Variants in FSTL4 observed in about 807,000 individuals in gnomAD.
FSTL4 encodes the protein follistatin-related protein 4.
A neutral mutation model predicts 78.2 loss-of-function variants in FSTL4; 28 were observed. That is an observed-to-expected ratio of 0.36 (90% CI 0.27 to 0.49). FSTL4 has a LOEUF of 0.49. Among genes scored for constraint, FSTL4 ranks in the 20% least tolerant of loss-of-function variants. The pLI is 0.98. For missense variants in FSTL4, 922 were observed against 1,084.9 expected, an observed-to-expected ratio of 0.85 and a Z score of 2.11; for synonymous variants, 422 against 440.5, an observed-to-expected ratio of 0.96 and a Z score of 0.53.
intron 6 of FSTL4, among the ~76,000 whole-genome samples, chr5:133,278,674 G>A (rs73279947): frequency 0.032 from 4,918 of 152,266 alleles, 258 homozygotes; most frequent in African/African-American, 0.11. Flanking sequence ...CCTCAGTGGA[G>A]CACTGGACCC....
intron 6 of FSTL4, among the ~76,000 whole-genome samples, chr5:133,302,433 T>C (rs1054709959): frequency 6.6e-6 from 1 of 152,180 alleles, no homozygotes; most frequent in Non-Finnish European, 1.5e-5. Flanking sequence ...AGATAAGACT[T>C]GGGTACAAAC....
At chr5:133,606,431 C>T (rs1760979793) in intron 1 of FSTL4, among the ~76,000 whole-genome samples, 1 of 152,258 alleles carries the variant, frequency 6.6e-6, no homozygotes, top group Admixed American at 6.5e-5. Context: ...AGCTGCAACC[C>T]ATTTTTCTAA....
chr5:133,710,861 C>T, the FSTL4 span, among the ~76,000 whole-genome samples: 2 of 152,228 alleles, frequency 1.3e-5, no homozygotes, highest in Non-Finnish European at 2.9e-5. Context: ...TAAATGTTCA[C>T]ACAATACCAT....
In FSTL4 at chr5:133,372,704, G is replaced by T. The variant is rs188729560; in HGVS notation, c.409+28034C>A. Among the ~76,000 whole-genome samples, 5 of 152,292 alleles carry T rather than the reference G, an allele frequency of 3.3e-5. No individual in the cohort carries two copies. The East Asian group carries it at 9.7e-4, about 29-fold the overall frequency. ...TCCAGACACATTCTGAACAGCCTTT[G>T]TTTCCCCTTGGGTAGCCAGCTCCTC... On this transcript the variant is annotated intron_variant, in intron 4 of 15. Transcript: ENST00000265342.
At chr5:133,253,138 C>T (rs1353394142) in intron 6 of FSTL4, among the ~76,000 whole-genome samples, 2 of 152,352 alleles carry the variant, frequency 1.3e-5, no homozygotes, top group South Asian at 2.1e-4. Context: ...TTTATGGCTA[C>T]TGAGCCCTCT....
chr5:133,317,978 C>G (rs754989119), intron 4 of FSTL4, among the ~76,000 whole-genome samples: 48 of 152,310 alleles, frequency 3.2e-4, no homozygotes, highest in Non-Finnish European at 5.3e-4. Flanking sequence ...CTCTTTTCCT[C>G]CCTCATACCC....
At chr5:133,746,252 A>G in the FSTL4 span, among the ~76,000 whole-genome samples, 1 of 152,202 alleles carries the variant, frequency 6.6e-6, no homozygotes, top group Admixed American at 6.5e-5. Flanking sequence ...ATTACTCTGA[A>G]GATCACATCA....
the FSTL4 span, among the ~76,000 whole-genome samples, chr5:133,745,446 G>A: frequency 6.6e-6 from 1 of 152,172 alleles, no homozygotes; most frequent in East Asian, 1.9e-4. Flanking sequence ...GGGGGTAGAG[G>A]GCTGTGTAAA....
chr5:133,627,151 CTTTTTTTT>C, the FSTL4 span, among the ~76,000 whole-genome samples: 7 of 93,020 alleles, frequency 7.5e-5, no homozygotes, highest in African/African-American at 2.2e-4. Context: ...CTCTGTGTCT[CTTTTTTTT>C]TTTTTTTTTT....
chr5:133,748,497 G>C, the FSTL4 span, among the ~76,000 whole-genome samples: 1 of 152,134 alleles, frequency 6.6e-6, no homozygotes, highest in Non-Finnish European at 1.5e-5. Flanking sequence ...CATGAACCTG[G>C]GAGGCAGAGG....
chr5:133,504,997 G>C (rs574427099), intron 3 of FSTL4, among the ~76,000 whole-genome samples: 4 of 152,326 alleles, frequency 2.6e-5, no homozygotes, highest in South Asian at 2.1e-4. Flanking sequence ...TCTTTATGCA[G>C]AGATGCAGAA....
chr5:133,808,303 C>G, the FSTL4 span, among the ~76,000 whole-genome samples: 1 of 152,166 alleles, frequency 6.6e-6, no homozygotes, highest in Non-Finnish European at 1.5e-5. Context: ...GGGGCTAGAC[C>G]CAGGGAGAAC....
chr5:133,228,998 G>A (rs1371837614), intron 8 of FSTL4, among the ~76,000 whole-genome samples: 3 of 152,156 alleles, frequency 2.0e-5, no homozygotes, highest in South Asian at 2.1e-4. Context: ...TAATTGGTAC[G>A]TAACGAGGCC....
At chr5:133,511,544 AC>A (rs1758731707) in intron 3 of FSTL4, among the ~76,000 whole-genome samples, 1 of 152,182 alleles carries the variant, frequency 6.6e-6, no homozygotes, top group South Asian at 2.1e-4. Flanking sequence ...GGCACACGTG[AC>A]CCAAAGGCTG....
In FSTL4 at chr5:133,316,518, G is replaced by A. The variant is rs776695689; in HGVS notation, c.544C>T (p.Leu182=). The A allele has an allele frequency of 7.4e-6, 12 of 1,614,182 alleles. No homozygotes were observed. The South Asian group carries it at 9.9e-5, about 13-fold the overall frequency. Residue 182 remains leucine (L), a synonymous_variant, in exon 5 of 16, where the codon CTG becomes TTG. Transcript: ENST00000265342. ...ASQKRLLVES[L]FRDLDADGNG... Reference sequence around the variant, plus strand: ...CCATCTGCATCTAAGTCCCTGAACAGAGATTCCACCAGGAGGCGCTTCTGG... The same window carrying A: ...CCATCTGCATCTAAGTCCCTGAACAAAGATTCCACCAGGAGGCGCTTCTGG...
At chr5:133,775,154 G>T in the FSTL4 span, among the ~76,000 whole-genome samples, 1 of 152,168 alleles carries the variant, frequency 6.6e-6, no homozygotes, top group Non-Finnish European at 1.5e-5. Flanking sequence ...TCTATAGAAG[G>T]TCCTGGCAAT....
intron 4 of FSTL4, among the ~76,000 whole-genome samples, chr5:133,333,005 G>GTC (rs372183397): frequency 4.6e-5 from 7 of 151,270 alleles, no homozygotes; most frequent in Admixed American, 2.0e-4. Context: ...CTCTCTCTCT[G>GTC]TCTCTCTCTC....
intron 3 of FSTL4, among the ~76,000 whole-genome samples, chr5:133,406,778 T>G (rs1756374062): frequency 2.0e-5 from 3 of 152,228 alleles, no homozygotes; most frequent in African/African-American, 7.2e-5. Flanking sequence ...TGATGCTCAT[T>G]TAATCCTCCT....
intron 4 of FSTL4, among the ~76,000 whole-genome samples, chr5:133,394,223 G>A (rs974782125): frequency 6.6e-5 from 10 of 152,354 alleles, no homozygotes; most frequent in Non-Finnish European, 1.0e-4. Context: ...CACTCTTGGC[G>A]CCTCCTCAGC....
Sources: gnomAD v4.1 joint callset for allele counts (sites outside exome capture counted in the v4.1 genomes callset) on GRCh38, gnomAD v4.1.1 for gene constraint, MANE v1.5 for transcripts, NCBI Gene and HGNC (gene_info 2026-07-23, HGNC 2026-07-21) for gene names.